The following CACNG2 variants were observed in gnomAD, a reference collection of about 807,000 sequenced individuals.
CACNG2 encodes voltage-dependent calcium channel gamma-2 subunit.
A neutral mutation model predicts 25.9 loss-of-function variants in CACNG2; 3 were observed. That is an observed-to-expected ratio of 0.12 (90% CI 0.05 to 0.30). The LOEUF is 0.30. Among genes scored for constraint, CACNG2 ranks in the 10% least tolerant of loss-of-function variants. CACNG2 has a pLI of 1.00. For missense variants in CACNG2, 341 were observed against 432.5 expected (o/e 0.79, Z 1.88); for synonymous variants, 167 against 173.3 (o/e 0.96, Z 0.29).
intron 1 of CACNG2, among the ~76,000 whole-genome samples, chr22:36,609,288 CG>C: frequency 7.9e-6 from 1 of 126,142 alleles, no homozygotes; most frequent in Middle Eastern, 7.5e-3. Context: ...AGAGTGTGAT[CG>C]GGCAGGAATC....
At chr22:36,618,262 C>T (rs1936052045) in intron 1 of CACNG2, among the ~76,000 whole-genome samples, 1 of 152,208 alleles carries the variant, frequency 6.6e-6, no homozygotes, top group Non-Finnish European at 1.5e-5. Context: ...CTGGTGAAAC[C>T]CAGAGGAAAG....
chr22:36,692,785 G>C (rs947842157), intron 1 of CACNG2, among the ~76,000 whole-genome samples: 2 of 152,160 alleles, frequency 1.3e-5, no homozygotes, highest in African/African-American at 4.8e-5. Flanking sequence ...CTGCCCTCAT[G>C]GGGCTTCCAG....
intron 1 of CACNG2, among the ~76,000 whole-genome samples, chr22:36,698,603 A>G (rs972347307): frequency 2.0e-5 from 3 of 152,196 alleles, no homozygotes; most frequent in Non-Finnish European, 2.9e-5. Context: ...CAAAGAGAAC[A>G]AGGATGTAGA....
intron 1 of CACNG2, among the ~76,000 whole-genome samples, chr22:36,588,986 CTT>C (rs11381245): frequency 2.4e-4 from 31 of 129,194 alleles, no homozygotes; most frequent in Non-Finnish European, 1.1e-4. Context: ...TTACATATAC[CTT>C]TTTTTTTTTT....
intron 1 of CACNG2, among the ~76,000 whole-genome samples, chr22:36,595,527 C>T (rs1386531925): frequency 6.6e-6 from 1 of 152,136 alleles, no homozygotes; most frequent in Non-Finnish European, 1.5e-5. Flanking sequence ...TGTGAGGAGT[C>T]AGCTGGTACA....
At chr22:36,623,762 T>C (rs936641380) in intron 1 of CACNG2, among the ~76,000 whole-genome samples, 6 of 151,890 alleles carry the variant, frequency 4.0e-5, no homozygotes, top group African/African-American at 1.5e-4. Flanking sequence ...TGATAACTAC[T>C]ATTAGTATCA....
At chr22:36,672,659 T>A (rs187477843) in intron 1 of CACNG2, among the ~76,000 whole-genome samples, 1 of 152,250 alleles carries the variant, frequency 6.6e-6, no homozygotes, top group African/African-American at 2.4e-5. Flanking sequence ...GTTCACGAGG[T>A]CCGTTCTCCT....
chr22:36,676,182 G>A (rs907624764), intron 1 of CACNG2, among the ~76,000 whole-genome samples: 3 of 152,172 alleles, frequency 2.0e-5, no homozygotes, highest in Non-Finnish European at 4.4e-5. Context: ...GCCCCAATAT[G>A]GGTTTTCACA....
chr22:36,624,712 G>C (rs1936157034), intron 1 of CACNG2, among the ~76,000 whole-genome samples: 1 of 152,016 alleles, frequency 6.6e-6, no homozygotes, highest in Non-Finnish European at 1.5e-5. Flanking sequence ...TGTGACTCTG[G>C]GGTGAGAGAC....
chr22:36,615,739 G>A (rs1936012393), intron 1 of CACNG2, among the ~76,000 whole-genome samples: 1 of 151,090 alleles, frequency 6.6e-6, no homozygotes, highest in African/African-American at 2.4e-5. Flanking sequence ...ACCCATGACT[G>A]GCATGTAGCA....
chr22:36,683,003 T>C (rs1937146334), intron 1 of CACNG2, among the ~76,000 whole-genome samples: 1 of 152,192 alleles, frequency 6.6e-6, no homozygotes, highest in African/African-American at 2.4e-5. Context: ...ACTTCCCCCA[T>C]GCCTGCCATC....
chr22:36,641,332 T>C (rs983480031), intron 1 of CACNG2, among the ~76,000 whole-genome samples: 17 of 152,210 alleles, frequency 1.1e-4, no homozygotes, highest in African/African-American at 4.1e-4. Context: ...TCAGTGTAGA[T>C]AGCCAATAGA....
chr22:36,605,363 C>A (rs1935815287), intron 1 of CACNG2, among the ~76,000 whole-genome samples: 3 of 152,212 alleles, frequency 2.0e-5, no homozygotes. Flanking sequence ...GCATGAGCCA[C>A]CATGCCCGGC....
intron 1 of CACNG2, among the ~76,000 whole-genome samples, chr22:36,636,660 C>T (rs1029631824): frequency 6.6e-6 from 1 of 152,330 alleles, no homozygotes; most frequent in Admixed American, 6.5e-5. Flanking sequence ...ACCGTACCCC[C>T]GTGGAACTTC....
intron 1 of CACNG2, among the ~76,000 whole-genome samples, chr22:36,691,961 A>T (rs1937272384): frequency 6.6e-6 from 1 of 152,230 alleles, no homozygotes; most frequent in Non-Finnish European, 1.5e-5. Flanking sequence ...AAAGGATAAC[A>T]TGTATCCCTT....
chr22:36,601,873 A>AT (rs570414967), intron 1 of CACNG2, among the ~76,000 whole-genome samples: 109 of 150,966 alleles, frequency 7.2e-4, no homozygotes, highest in Non-Finnish European at 1.1e-3. Context: ...TTCTATTTTT[A>AT]TTTTTTTTTG....
In CACNG2 at chr22:36,600,719, G is replaced by A. The variant is rs538116298; in HGVS notation, c.212-13171C>T. 3.3e-4 allele frequency among the ~76,000 whole-genome samples: 50 copies of A among 152,116 alleles called. No homozygotes were observed. The South Asian group carries it at 4.6e-3, about 14-fold the overall frequency. On this transcript the variant is annotated intron_variant, in intron 1 of 3. Coordinates refer to ENST00000300105, the MANE Select transcript of CACNG2 (RefSeq NM_006078.5). ...GCACCACCAAGCTTGGCTAACTTTT[G>A]TATTTTTGGTAGAGATGGAGTTTTA...
chr22:36,567,402 G>A (rs992755318), intron 2 of CACNG2, among the ~76,000 whole-genome samples: 3 of 152,170 alleles, frequency 2.0e-5, no homozygotes, highest in Non-Finnish European at 2.9e-5. Flanking sequence ...GCCAATAGAA[G>A]CTCATTAAGT....
intron 1 of CACNG2, among the ~76,000 whole-genome samples, chr22:36,613,067 G>T (rs1377970477): frequency 6.6e-6 from 1 of 152,080 alleles, no homozygotes; most frequent in Non-Finnish European, 1.5e-5. Context: ...GGGCTTTTCT[G>T]TGCCTTTACT....
Sources: allele counts gnomAD v4.1 joint callset (sites outside exome capture counted in the v4.1 genomes callset), GRCh38; gene constraint gnomAD v4.1.1; transcripts MANE v1.5; gene names NCBI Gene and HGNC (gene_info 2026-07-23, HGNC 2026-07-21).